ARHGAP44: variants seen among roughly 807,000 people sequenced by gnomAD.
ARHGAP44 encodes Rho GTPase activating protein 44, also known as rho GTPase-activating protein 44.
In ARHGAP44, 43 loss-of-function variants were observed where a neutral mutation model predicts 106.8. The ratio of observed to expected loss-of-function variants is 0.40; its 90% CI spans 0.32 to 0.52. The LOEUF (loss-of-function observed/expected upper bound fraction) is 0.52. ARHGAP44 is among the 20% of genes least tolerant of loss of function. The pLI is 0.48. For synonymous variants in ARHGAP44, 439 were observed against 410.3 expected, an observed-to-expected ratio of 1.07 and a Z score of -0.85; for missense variants, 866 against 1,050.5, an observed-to-expected ratio of 0.82 and a Z score of 2.43.
At chr17:12,885,897 A>G (rs1455507915) in intron 1 of ARHGAP44, among the ~76,000 whole-genome samples, 2 of 152,010 alleles carry the variant, frequency 1.3e-5, no homozygotes, top group East Asian at 1.9e-4. Flanking sequence ...TTTATGAATC[A>G]TGGTTTTGAT....
chr17:12,865,945 T>A (rs1226688684), intron 1 of ARHGAP44, among the ~76,000 whole-genome samples: 1 of 152,150 alleles, frequency 6.6e-6, no homozygotes, highest in Non-Finnish European at 1.5e-5. Flanking sequence ...TACAAAGTAA[T>A]GACTGTTGCA....
chr17:12,973,426 C>T, intron 17 of ARHGAP44, 107 bp downstream of exon 17: 1 of 1,157,676 alleles, frequency 8.6e-7, no homozygotes. Context: ...CGTCTGGTTG[C>T]TTGGCCGACT....
At chr17:12,905,876 G>A (rs1178762716) in intron 3 of ARHGAP44, among the ~76,000 whole-genome samples, 9 of 152,188 alleles carry the variant, frequency 5.9e-5, no homozygotes, top group African/African-American at 1.9e-4. Context: ...CATTCAAGAC[G>A]AAGCATCTTC....
intron 16 of ARHGAP44, 42 bp from the exon 17 acceptor site, chr17:12,973,260 A>G: frequency 6.3e-7 from 1 of 1,592,524 alleles, no homozygotes; most frequent in Non-Finnish European, 8.6e-7. Context: ...AGGAAGGCCT[A>G]GATTTTTTGA....
At chr17:12,876,235 G>C (rs1448699921) in intron 1 of ARHGAP44, among the ~76,000 whole-genome samples, 1 of 152,108 alleles carries the variant, frequency 6.6e-6, no homozygotes, top group Non-Finnish European at 1.5e-5. Context: ...ATTATTAAAA[G>C]CATCCAATCC....
At chr17:12,797,073 A>G (rs1163886689) in intron 1 of ARHGAP44, among the ~76,000 whole-genome samples, 1 of 152,046 alleles carries the variant, frequency 6.6e-6, no homozygotes, top group Non-Finnish European at 1.5e-5. Flanking sequence ...TATGCCACAC[A>G]CATCTCCCTA....
At chr17:12,955,312 T>C (rs747517219) in intron 13 of ARHGAP44, among the ~76,000 whole-genome samples, 47 of 152,244 alleles carry the variant, frequency 3.1e-4, no homozygotes, top group Admixed American at 1.0e-3. Flanking sequence ...ATAATTATGA[T>C]TCCATGAACA....
At chr17:12,823,795 T>C (rs1238766539) in intron 1 of ARHGAP44, among the ~76,000 whole-genome samples, 4 of 152,198 alleles carry the variant, frequency 2.6e-5, no homozygotes, top group Non-Finnish European at 5.9e-5. Flanking sequence ...GACTTGTCTG[T>C]ATTCACTGTC....
intron 14 of ARHGAP44, among the ~76,000 whole-genome samples, chr17:12,956,353 T>C (rs1337764631): frequency 6.6e-6 from 1 of 152,020 alleles, no homozygotes; most frequent in Non-Finnish European, 1.5e-5. Context: ...TCTCCAGAGA[T>C]AGCAGTGTTG....
chr17:12,907,231 G>C (rs75981815), intron 3 of ARHGAP44, among the ~76,000 whole-genome samples: 8 of 152,154 alleles, frequency 5.3e-5, no homozygotes, highest in Non-Finnish European at 1.2e-4. Context: ...CCTTGTTTTT[G>C]TTCTGTCTGT....
At chr17:12,973,795 G>A in intron 17 of ARHGAP44, 1 of 548,210 alleles carries the variant, frequency 1.8e-6, no homozygotes, top group Non-Finnish European at 3.2e-6. Context: ...GCTGGCTTTG[G>A]CAGAGGGTTG....
intron 1 of ARHGAP44, among the ~76,000 whole-genome samples, chr17:12,836,666 AAAG>A (rs2035247126): frequency 6.6e-6 from 1 of 152,078 alleles, no homozygotes; most frequent in Non-Finnish European, 1.5e-5. Context: ...CAAAAAAAGA[AAAG>A]AAAAAAAAGA....
intron 1 of ARHGAP44, among the ~76,000 whole-genome samples, chr17:12,864,009 C>T (rs2036165495): frequency 6.6e-6 from 1 of 152,234 alleles, no homozygotes; most frequent in African/African-American, 2.4e-5. Flanking sequence ...TGGACTTCCT[C>T]ACAGTATGGT....
At chr17:12,908,666 G>A (rs1374659334) in intron 3 of ARHGAP44, among the ~76,000 whole-genome samples, 2 of 151,970 alleles carry the variant, frequency 1.3e-5, no homozygotes, top group Admixed American at 6.6e-5. Flanking sequence ...TAAGCCTTAG[G>A]CTTATTTCCC....
chr17:12,841,594 T>TCACACA lies in ARHGAP44; in HGVS notation c.53+51744_53+51749dup, dbSNP rs545804542. On this transcript the variant is annotated intron_variant, in intron 1 of 20. Transcript: ENST00000379672. ...GAGACCCTGTCTCTCTGTCTCTCTCTCACACACACACACACACACACACAC... is the reference window on the plus strand; with the variant it reads ...GAGACCCTGTCTCTCTGTCTCTCTCTCACACACACACACACACACACACACACACAC... 1.3e-4 allele frequency among the ~76,000 whole-genome samples: 16 copies of TCACACA among 126,564 alleles called. No individual in the cohort carries two copies. The East Asian group carries it at 1.3e-3, about 10-fold the overall frequency. 83.0% of individuals were successfully genotyped at this position (126,564 alleles called of 152,430 possible).
chr17:12,967,528 A>T (rs537926773), intron 16 of ARHGAP44, among the ~76,000 whole-genome samples: 1 of 152,134 alleles, frequency 6.6e-6, no homozygotes, highest in East Asian at 1.9e-4. Flanking sequence ...CATTTTTCTC[A>T]CATGGTTTCC....
Position 12,944,127 on chromosome 17 carries a change from C to G in ARHGAP44, c.792C>G (p.Ser264Arg). The G allele has an allele frequency of 6.2e-7, 1 of 1,612,758 alleles. No homozygotes were observed. Among genetic ancestry groups the G allele is most frequent in the Non-Finnish European group, 8.5e-7 (1 of 1,179,688 alleles). Residue 264 changes from serine to arginine, a missense_variant, in exon 10 of 21, where the codon AGC (serine) becomes AGG (arginine). Physicochemically the swap from Ser to Arg is moderately radical, Grantham distance 110. Coordinates refer to ENST00000379672, the MANE Select transcript of ARHGAP44 (RefSeq NM_014859.6). The stretch of plus-strand genomic sequence containing the variant: ...CGCTGGAGGAGCACCTCACCATCAG[C>G]GGCCGGGAGATCGCCTTCCCCATCG... ...GKPLEEHLTI[S>R]GREIAFPIEA...
chr17:12,900,104 T>C (rs2037330029), intron 3 of ARHGAP44, among the ~76,000 whole-genome samples: 1 of 152,172 alleles, frequency 6.6e-6, no homozygotes, highest in Admixed American at 6.5e-5. Context: ...TGAATTACCT[T>C]TCCATGTTGC....
intron 4 of ARHGAP44, among the ~76,000 whole-genome samples, chr17:12,911,750 G>A (rs2150944008): frequency 6.6e-6 from 1 of 152,246 alleles, no homozygotes; most frequent in South Asian, 2.1e-4. Flanking sequence ...GGAGTGTATG[G>A]GTACCATTCA....
Sources: gnomAD v4.1 joint callset for allele counts (sites outside exome capture counted in the v4.1 genomes callset) on GRCh38, gnomAD v4.1.1 for gene constraint, MANE v1.5 for transcripts, NCBI Gene and HGNC (gene_info 2026-07-23, HGNC 2026-07-21) for gene names.